Variants in COLEC12 observed in about 807,000 individuals in gnomAD.
COLEC12 encodes the protein collectin-12.
Under a neutral mutation model 71.1 loss-of-function variants are expected in COLEC12, and 33 were observed. The ratio of observed to expected loss-of-function variants is 0.46; its 90% CI spans 0.35 to 0.62. COLEC12 has a LOEUF of 0.62. Among genes scored for constraint, COLEC12 ranks in the 20% least tolerant of loss-of-function variants. COLEC12 has a pLI of 0.00. For synonymous variants in COLEC12, 350 were observed against 353.0 expected (o/e 0.99, Z 0.10); for missense variants, 765 against 916.1 (o/e 0.84, Z 2.13).
At chr18:338,661 C>T (rs1269026106) in intron 5 of COLEC12, among the ~76,000 whole-genome samples, 4 of 152,182 alleles carry the variant, frequency 2.6e-5, no homozygotes, top group Admixed American at 6.5e-5. Flanking sequence ...GATCTATCTC[C>T]TTTAAAAAAG....
At chr18:320,750 C>T (rs1221548963) in intron 9 of COLEC12, among the ~76,000 whole-genome samples, 2 of 152,068 alleles carry the variant, frequency 1.3e-5, no homozygotes, top group African/African-American at 2.4e-5. Context: ...GCATTCATTC[C>T]CCATTTCCTC....
chr18:388,790 G>A (rs529255013), intron 2 of COLEC12, among the ~76,000 whole-genome samples: 12 of 152,308 alleles, frequency 7.9e-5, no homozygotes, highest in African/African-American at 2.6e-4. Flanking sequence ...ACAGAGATGA[G>A]GTTGAAGAAA....
At chr18:385,904 A>C (rs1463048021) in intron 2 of COLEC12, among the ~76,000 whole-genome samples, 1 of 152,180 alleles carries the variant, frequency 6.6e-6, no homozygotes, top group Non-Finnish European at 1.5e-5. Context: ...ATATGTCAGA[A>C]TGTATCTAGG....
chr18:475,496 C>A (rs1917287334), intron 2 of COLEC12, among the ~76,000 whole-genome samples: 1 of 152,152 alleles, frequency 6.6e-6, no homozygotes. Flanking sequence ...CAGGAAGAGT[C>A]CCAGCAGAGG....
Position 346,486 on chromosome 18 carries a change from G to T in COLEC12, c.1136C>A (p.Thr379Lys). 6.2e-7 allele frequency: 1 copy of T among 1,614,214 alleles called. No individual in the cohort carries two copies. Among genetic ancestry groups the T allele is most frequent in the Non-Finnish European group, 8.5e-7 (1 of 1,180,028 alleles). Reference protein sequence around the residue: ...TTCTDTLTKHTDDLTSLNNTL... With the variant: ...TTCTDTLTKHKDDLTSLNNTL... ...ATTATTCAAGGAGGTCAGATCATCT[G>T]TGTGTTTGGTAAGGGTATCTGTGCA... Residue 379 changes from threonine to lysine, a missense_variant, in exon 5 of 10, where the codon ACA (threonine) becomes AAA (lysine). Transcript: ENST00000400256. The surrounding 1 kb of genome is among the most constrained non-coding windows in gnomAD (Gnocchi z 4.0).
chr18:375,902 A>G (rs190039612), intron 2 of COLEC12, among the ~76,000 whole-genome samples: 45 of 152,346 alleles, frequency 3.0e-4, no homozygotes, highest in Middle Eastern at 3.4e-3. Flanking sequence ...GGTCTATACT[A>G]AGAACTACAG....
intron 2 of COLEC12, among the ~76,000 whole-genome samples, chr18:478,890 C>G (rs528419160): frequency 3.2e-4 from 49 of 152,290 alleles, no homozygotes; most frequent in African/African-American, 1.2e-3. Context: ...TGTGAGTCAT[C>G]CGTTGCAACT....
At chr18:380,281 G>A (rs1337679602) in intron 2 of COLEC12, among the ~76,000 whole-genome samples, 2 of 152,120 alleles carry the variant, frequency 1.3e-5, no homozygotes, top group African/African-American at 4.8e-5. Context: ...TCCCTCCCTT[G>A]TGTAATATGC....
rs1370018129 is a variant in COLEC12, at chr18:317,798, C to T, written c.*2247G>A. The T allele has an allele frequency of 6.6e-6, 1 of 152,330 alleles. No homozygotes were observed. The highest frequency in any genetic ancestry group is 1.5e-5 in the Non-Finnish European group (1 of 68,052). The allele number at this position is 152,330 out of a possible 1,614,324, so 9.4% of individuals were successfully genotyped here. ...TGCCGTGCCCGCCTTGTGGTGCAGGCTTCAGCAGTTTAGGCCCAGAGGACT... is the reference window on the plus strand; with the variant it reads ...TGCCGTGCCCGCCTTGTGGTGCAGGTTTCAGCAGTTTAGGCCCAGAGGACT... On this transcript the variant is annotated 3_prime_UTR_variant, in exon 10 of 10. Transcript: ENST00000400256.
chr18:379,154 G>A (rs536631371), intron 2 of COLEC12, among the ~76,000 whole-genome samples: 87 of 151,482 alleles, frequency 5.7e-4, no homozygotes, highest in African/African-American at 2.0e-3. Context: ...ACAGGGTCTT[G>A]CTCTGTCACC....
intron 2 of COLEC12, among the ~76,000 whole-genome samples, chr18:363,201 C>G (rs935006385): frequency 1.3e-5 from 2 of 152,120 alleles, no homozygotes; most frequent in African/African-American, 2.4e-5. Context: ...GGTCCAGTCT[C>G]AATCCAGTCT....
intron 1 of COLEC12, among the ~76,000 whole-genome samples, chr18:494,314 T>C (rs1917670771): frequency 6.6e-6 from 1 of 152,240 alleles, no homozygotes. Context: ...TGAACATAGA[T>C]GGCTCATAAT....
In COLEC12 at chr18:318,343, A is replaced by T. The variant is rs1210375154; in HGVS notation, c.*1702T>A. On this transcript the variant is annotated 3_prime_UTR_variant, in exon 10 of 10. Transcript: ENST00000400256. ...AGCACTGCCTGGGAAGACCCTTGGGAGGGAGAAGGAATCTGTTGGATGGAA... is the reference window on the plus strand; with the variant it reads ...AGCACTGCCTGGGAAGACCCTTGGGTGGGAGAAGGAATCTGTTGGATGGAA... 2.0e-5 allele frequency: 3 copies of T among 151,982 alleles called. No individual in the cohort carries two copies. The highest frequency in any genetic ancestry group is 7.3e-5 in the African/African-American group (3 of 41,348). The allele number at this position is 151,982 out of a possible 1,614,324, so 9.4% of individuals were successfully genotyped here. A position where few individuals can be genotyped will look rare whatever the true frequency, so the allele number is the denominator to read the frequency against.
chr18:421,250 C>G (rs991547351), intron 2 of COLEC12, among the ~76,000 whole-genome samples: 1 of 152,172 alleles, frequency 6.6e-6, no homozygotes, highest in Non-Finnish European at 1.5e-5. Context: ...ACTAATAGCC[C>G]ATGTTAATAG....
chr18:378,601 C>A (rs1231293703), intron 2 of COLEC12, among the ~76,000 whole-genome samples: 1 of 152,106 alleles, frequency 6.6e-6, no homozygotes, highest in Non-Finnish European at 1.5e-5. Flanking sequence ...ACTTTGCAAT[C>A]CATTTCTTGG....
intron 6 of COLEC12, 70 bp from the exon 7 acceptor site, chr18:333,213 T>A: frequency 7.3e-7 from 1 of 1,369,876 alleles, no homozygotes; most frequent in Non-Finnish European, 1.0e-6. Context: ...TTCAGCTGTG[T>A]TTCAGAGGCC....
intron 2 of COLEC12, among the ~76,000 whole-genome samples, chr18:418,529 A>G (rs1161125520): frequency 6.6e-6 from 1 of 152,236 alleles, no homozygotes; most frequent in Non-Finnish European, 1.5e-5. Context: ...CCAGATGGTT[A>G]AGGCATTCTA....
chr18:428,063 G>A (rs544126876), intron 2 of COLEC12, among the ~76,000 whole-genome samples: 5 of 152,200 alleles, frequency 3.3e-5, no homozygotes, highest in African/African-American at 1.2e-4. Flanking sequence ...TCAGGAGTTT[G>A]AGACCAGCCT....
At chr18:349,057 CT>C (rs1212805653) in intron 3 of COLEC12, among the ~76,000 whole-genome samples, 2 of 152,194 alleles carry the variant, frequency 1.3e-5, no homozygotes, top group African/African-American at 2.4e-5. Flanking sequence ...TTGCATCTTT[CT>C]AATTTTCTCT....
Sources: gnomAD v4.1 joint callset for allele counts (sites outside exome capture counted in the v4.1 genomes callset) on GRCh38, gnomAD v4.1.1 for gene constraint, Gnocchi (gnomAD v3.1) non-coding constraint, MANE v1.5 for transcripts, NCBI Gene and HGNC (gene_info 2026-07-23, HGNC 2026-07-21) for gene names.